ZBTB20: variants seen among roughly 807,000 people sequenced by gnomAD.
The protein encoded by ZBTB20 is zinc finger and BTB domain-containing protein 20.
In ZBTB20, 9 loss-of-function variants were observed where a neutral mutation model predicts 56.9. The ratio of observed to expected loss-of-function variants is 0.16; its 90% CI spans 0.10 to 0.28. The LOEUF is 0.28. Among genes scored for constraint, ZBTB20 ranks in the 10% least tolerant of loss-of-function variants. The probability of loss-of-function intolerance (pLI) is 1.00; values close to 1 mark genes in which losing one functional copy is unlikely to be tolerated. For synonymous variants in ZBTB20, 417 were observed against 420.7 expected (o/e 0.99, Z 0.11); for missense variants, 655 against 1,003.0 (o/e 0.65, Z 4.69).
intron 5 of ZBTB20, among the ~76,000 whole-genome samples, chr3:114,773,746 G>C (rs2069383932): frequency 1.3e-5 from 2 of 152,102 alleles, no homozygotes; most frequent in Non-Finnish European, 1.5e-5. Context: ...GAAAAAAAGA[G>C]AAAGAAAGTC....
chr3:114,378,216 T>C (rs1576468683), intron 10 of ZBTB20, among the ~76,000 whole-genome samples: 1 of 152,358 alleles, frequency 6.6e-6, no homozygotes, highest in Middle Eastern at 3.4e-3. Context: ...TCTGTGAATC[T>C]TTCCTAAAAA....
At chr3:114,480,134 G>A (rs1259176319) in intron 7 of ZBTB20, among the ~76,000 whole-genome samples, 1 of 151,854 alleles carries the variant, frequency 6.6e-6, no homozygotes, top group Non-Finnish European at 1.5e-5. Flanking sequence ...CCAACAATTG[G>A]GCTTAGTTTT....
intron 5 of ZBTB20, among the ~76,000 whole-genome samples, chr3:114,723,411 T>TG (rs895905242): frequency 6.6e-6 from 1 of 152,244 alleles, no homozygotes; most frequent in Non-Finnish European, 1.5e-5. Context: ...TCAAAGGTTC[T>TG]ACTTTTATTT....
intron 4 of ZBTB20, among the ~76,000 whole-genome samples, chr3:114,860,199 C>T (rs1042845918): frequency 4.0e-5 from 6 of 151,618 alleles, no homozygotes; most frequent in African/African-American, 7.3e-5. Context: ...CCCAGCTACT[C>T]GGGAGGCTGA....
rs879404925 is a variant in ZBTB20, at chr3:114,690,119, C to CT, written c.-295+3408dup. Among the ~76,000 whole-genome samples the CT allele has an allele frequency of 1.6e-3, 250 of 152,064 alleles. 1 individual carries two copies. Among genetic ancestry groups the CT allele is most frequent in the Non-Finnish European group, 2.4e-3 (164 of 67,970 alleles). ...TTTATTGCTAATGTTATGACTTTCT[C>CT]TTTTTTTTCCATGTGCTTTGCTCTA... On this transcript the variant is annotated intron_variant, in intron 6 of 11. Coordinates refer to ENST00000675478, the MANE Select transcript of ZBTB20 (RefSeq NM_001348800.3).
intron 7 of ZBTB20, among the ~76,000 whole-genome samples, chr3:114,451,017 A>G (rs2091576067): frequency 6.6e-6 from 1 of 152,034 alleles, no homozygotes; most frequent in Non-Finnish European, 1.5e-5. Flanking sequence ...CCATTTTACC[A>G]TCTATCACCA....
At chr3:114,430,198 AAAGAT>A (rs2090016713) in intron 7 of ZBTB20, among the ~76,000 whole-genome samples, 1 of 152,220 alleles carries the variant, frequency 6.6e-6, no homozygotes, top group East Asian at 1.9e-4. Flanking sequence ...AAGAAAGGAG[AAAGAT>A]AACATGTGAG....
At chr3:114,498,213 G>C (rs1326480774) in intron 7 of ZBTB20, among the ~76,000 whole-genome samples, 6 of 152,142 alleles carry the variant, frequency 3.9e-5, no homozygotes, top group African/African-American at 7.2e-5. Flanking sequence ...GATTATGGAG[G>C]GTTCCTCTTT....
chr3:114,461,882 G>C (rs949972747), intron 7 of ZBTB20, among the ~76,000 whole-genome samples: 4 of 152,176 alleles, frequency 2.6e-5, no homozygotes, highest in Non-Finnish European at 5.9e-5. Flanking sequence ...AAATCTGTGA[G>C]GCTCATCAAG....
rs926868392 is a variant in ZBTB20, at chr3:114,486,145, G to C, written c.-255+14207C>G. ...GTGTGTGTGTGTGTGTGTGGGGGGG[G>C]GGGGCGGTGTATGAATTCCTGTGCT... On this transcript the variant is annotated intron_variant, in intron 7 of 11. Transcript: ENST00000675478. 4.7e-5 allele frequency among the ~76,000 whole-genome samples: 5 copies of C among 105,684 alleles called. 2 individuals carry two copies. Among genetic ancestry groups the C allele is most frequent in the African/African-American group, 7.1e-5 (2 of 28,286 alleles). The allele number at this position is 105,684 out of a possible 152,430, so 69.3% of individuals were successfully genotyped here. A position where few individuals can be genotyped will look rare whatever the true frequency, so the allele number is the denominator to read the frequency against.
chr3:114,731,930 C>T (rs2065794540), intron 5 of ZBTB20, among the ~76,000 whole-genome samples: 1 of 149,492 alleles, frequency 6.7e-6, no homozygotes, highest in African/African-American at 2.4e-5. Flanking sequence ...CCGGCTGTGC[C>T]TAGATTAGTT....
intron 7 of ZBTB20, among the ~76,000 whole-genome samples, chr3:114,497,519 C>T (rs569116651): frequency 2.0e-5 from 3 of 152,178 alleles, no homozygotes; most frequent in Admixed American, 1.3e-4. Context: ...GATTATGATC[C>T]CCTTTTCTTT....
chr3:114,579,953 A>G (rs1433887707), intron 6 of ZBTB20, among the ~76,000 whole-genome samples: 1 of 151,716 alleles, frequency 6.6e-6, no homozygotes, highest in Non-Finnish European at 1.5e-5. Context: ...GATGACAAAT[A>G]CTCAGAATAA....
chr3:114,351,460 G>T lies in ZBTB20; in HGVS notation c.618C>A (p.Asp206Glu). The change falls in exon 11 of 12, where the codon GAC becomes GAA. Residue 206 changes from aspartate to glutamate, a missense_variant. Coordinates refer to ENST00000675478, the MANE Select transcript of ZBTB20 (RefSeq NM_001348800.3). Reference sequence around the variant, plus strand: ...TGCCCCGCGGCGTGTCCTGGCCCGAGTCCTGGATCCCCGGGAACACATCGC... The same window carrying T: ...TGCCCCGCGGCGTGTCCTGGCCCGATTCCTGGATCCCCGGGAACACATCGC... ...NVGDVFPGIQ[D>E]SGQDTPRGTP... The T allele has an allele frequency of 6.2e-7, 1 of 1,613,868 alleles. No individual in the cohort carries two copies. Among genetic ancestry groups the T allele is most frequent in the Middle Eastern group, 1.6e-4 (1 of 6,062 alleles).
chr3:114,516,794 A>G (rs1044086366), intron 6 of ZBTB20, among the ~76,000 whole-genome samples: 2 of 152,164 alleles, frequency 1.3e-5, no homozygotes, highest in African/African-American at 4.8e-5. Flanking sequence ...AGGAACACCA[A>G]AGATTGCCAG....
chr3:114,854,867 T>G (rs965092365), intron 4 of ZBTB20, among the ~76,000 whole-genome samples: 1 of 152,244 alleles, frequency 6.6e-6, no homozygotes, highest in African/African-American at 2.4e-5. Context: ...TTCACTTTTT[T>G]TCTAAATGTC....
chr3:114,550,488 A>G (rs2050435527), intron 6 of ZBTB20, among the ~76,000 whole-genome samples: 1 of 152,216 alleles, frequency 6.6e-6, no homozygotes, highest in African/African-American at 2.4e-5. Flanking sequence ...ATGCCAGACA[A>G]TATTTTAATT....
At chr3:114,396,781 C>T (rs534834885) in intron 7 of ZBTB20, among the ~76,000 whole-genome samples, 4 of 152,140 alleles carry the variant, frequency 2.6e-5, no homozygotes, top group Admixed American at 6.5e-5. Flanking sequence ...TTTCTCAAAA[C>T]CTTCTACACT....
At chr3:114,360,337 A>T (rs2081690920) in intron 10 of ZBTB20, among the ~76,000 whole-genome samples, 1 of 121,868 alleles carries the variant, frequency 8.2e-6, no homozygotes, top group Non-Finnish European at 1.6e-5. Flanking sequence ...GGGGAATGCA[A>T]GATTTTCTTT....
Sources: gnomAD v4.1 joint callset for allele counts (sites outside exome capture counted in the v4.1 genomes callset) on GRCh38, gnomAD v4.1.1 for gene constraint, MANE v1.5 for transcripts, NCBI Gene and HGNC (gene_info 2026-07-23, HGNC 2026-07-21) for gene names.